DNAAF11: variants seen among roughly 807,000 people sequenced by gnomAD.
The protein encoded by DNAAF11 is dynein axonemal assembly factor 11.
DNAAF11 carries 45 observed loss-of-function variants against 60.8 expected under a neutral mutation model. That is an observed-to-expected ratio of 0.74 (90% CI 0.58 to 0.95). The LOEUF is 0.95. Ranked by LOEUF, DNAAF11 falls within the 40% of genes least tolerant of loss-of-function variation. DNAAF11 has a pLI of 0.00. For missense variants in DNAAF11, 546 were observed against 546.2 expected, an observed-to-expected ratio of 1.00 and a Z score of 0.00; for synonymous variants, 191 against 183.5, an observed-to-expected ratio of 1.04 and a Z score of -0.33.
At chr8:132,688,120 A>G in the DNAAF11 span, among the ~76,000 whole-genome samples, 3 of 152,212 alleles carry the variant, frequency 2.0e-5, no homozygotes, top group African/African-American at 7.2e-5. Flanking sequence ...GCATTAATAC[A>G]TAGAGCCCTC....
intron 3 of DNAAF11, 56 bp from the exon 4 acceptor site, chr8:132,638,163 C>A: frequency 7.3e-7 from 1 of 1,367,472 alleles, no homozygotes; most frequent in Non-Finnish European, 1.0e-6. Flanking sequence ...ACACTGGTAA[C>A]AAAACGTGTG....
upstream of DNAAF11, chr8:132,675,680 G>A: frequency 2.0e-6 from 1 of 510,188 alleles, no homozygotes; most frequent in South Asian, 3.8e-5. Flanking sequence ...AAGCAGAGGA[G>A]ACCGCAGTGA....
intron 6 of DNAAF11, 148 bp from the exon 7 acceptor site, chr8:132,622,836 T>C: frequency 1.6e-6 from 1 of 617,162 alleles, no homozygotes; most frequent in South Asian, 2.1e-5. Flanking sequence ...TCCTTGTTCT[T>C]AAGTCCATTC....
Position 132,619,677 on chromosome 8 carries a change from C to T in DNAAF11, c.914+2934G>A, listed in dbSNP as rs186332494. On this transcript the variant is annotated intron_variant, in intron 7 of 11. Transcript: ENST00000620350. ...AAATGGGGGCAGAGAAAAAGAGCTG[C>T]GGCTGGAAGGAAAACCAGGGGAAGG... Among the ~76,000 whole-genome samples, 566 of 152,238 alleles carry T rather than the reference C, an allele frequency of 3.7e-3. 4 individuals carry two copies. Among genetic ancestry groups the T allele is most frequent in the African/African-American group, 0.013 (525 of 41,546 alleles).
intron 5 of DNAAF11, among the ~76,000 whole-genome samples, chr8:132,630,987 A>G (rs1452186976): frequency 6.6e-6 from 1 of 152,222 alleles, no homozygotes; most frequent in African/African-American, 2.4e-5. Flanking sequence ...TAAAAAGTTG[A>G]AAAGATGTCA....
the DNAAF11 span, among the ~76,000 whole-genome samples, chr8:132,700,180 T>G: frequency 6.6e-6 from 1 of 152,212 alleles, no homozygotes; most frequent in East Asian, 1.9e-4. Flanking sequence ...TTTTCTTTTT[T>G]GTAGCAAGCA....
the DNAAF11 span, among the ~76,000 whole-genome samples, chr8:132,690,711 G>A: frequency 3.3e-5 from 5 of 152,080 alleles, no homozygotes; most frequent in African/African-American, 4.8e-5. Flanking sequence ...GCTCCTCTTC[G>A]CCATGACAGT....
chr8:132,676,532 A>G (rs1825767059), upstream of DNAAF11, among the ~76,000 whole-genome samples: 1 of 152,204 alleles, frequency 6.6e-6, no homozygotes, highest in African/African-American at 2.4e-5. Context: ...TGTGTGTATT[A>G]TGTTTGCATT....
At chr8:132,591,994 TTC>T (rs1445574549) in intron 10 of DNAAF11, among the ~76,000 whole-genome samples, 4 of 152,230 alleles carry the variant, frequency 2.6e-5, no homozygotes, top group African/African-American at 9.6e-5. Context: ...TAATACTCAA[TTC>T]TTTAAAATCC....
At position 132,632,647 on chromosome 8, in the gene DNAAF11, G is replaced by GA. The variant is rs1450876482; in HGVS notation, c.653+92dup. The GA allele has an allele frequency of 6.1e-5, 50 of 814,848 alleles. 1 individual carries two copies. The highest frequency in any genetic ancestry group is 2.0e-4 in the South Asian group (13 of 63,734). The allele number at this position is 814,848 out of a possible 1,614,324, so 50.5% of individuals were successfully genotyped here. ...ATATTTCATTCTTCAAATTAATCTG[G>GA]AATATAAGTGTACTGCAAACAACTT... On this transcript the variant is annotated intron_variant, in intron 5 of 11. Transcript: ENST00000620350.
intron 6 of DNAAF11, among the ~76,000 whole-genome samples, chr8:132,623,648 T>C (rs1370850695): frequency 6.6e-6 from 1 of 152,192 alleles, no homozygotes; most frequent in Non-Finnish European, 1.5e-5. Flanking sequence ...TCTGTTTAGA[T>C]GATGGAACTG....
the DNAAF11 span, chr8:132,687,532 C>T: frequency 2.2e-6 from 1 of 451,042 alleles, no homozygotes; most frequent in East Asian, 7.0e-5. Context: ...AGACAGACAG[C>T]TGTAACAGGT....
chr8:132,683,405 C>T, the DNAAF11 span, among the ~76,000 whole-genome samples: 1 of 152,192 alleles, frequency 6.6e-6, no homozygotes, highest in African/African-American at 2.4e-5. Context: ...CCCATTGAGG[C>T]ACGTCCTCAA....
At chr8:132,583,631 A>G (rs1185827427) in intron 11 of DNAAF11, 63 bp downstream of exon 11, 20 of 1,324,042 alleles carry the variant, frequency 1.5e-5, no homozygotes, top group Non-Finnish European at 2.1e-5. Context: ...CTGCATTCCA[A>G]CCAACAAATG....
intron 10 of DNAAF11, among the ~76,000 whole-genome samples, chr8:132,599,549 A>T (rs1363145870): frequency 6.6e-6 from 1 of 152,220 alleles, no homozygotes; most frequent in Non-Finnish European, 1.5e-5. Context: ...AACCGAATCC[A>T]GCAGCACATC....
In DNAAF11 at chr8:132,571,722, T is replaced by G. The variant is rs1306489608; in HGVS notation, c.*584A>C. Among the ~76,000 whole-genome samples, 1 of 152,174 alleles carries G rather than the reference T, an allele frequency of 6.6e-6. No individual in the cohort carries two copies. The highest frequency in any genetic ancestry group is 6.5e-5 in the Admixed American group (1 of 15,272). On this transcript the variant is annotated 3_prime_UTR_variant, in exon 12 of 12. Coordinates refer to ENST00000620350, the MANE Select transcript of DNAAF11 (RefSeq NM_012472.6). ...AGTGTTATTATTCCCAGATTATACA[T>G]GAAGCCACTAAGGCTCAGAGAATTA...
chr8:132,606,120 G>C (rs1818107456), intron 10 of DNAAF11, among the ~76,000 whole-genome samples: 1 of 152,096 alleles, frequency 6.6e-6, no homozygotes, highest in South Asian at 2.1e-4. Flanking sequence ...GTAGAACAAT[G>C]AATTACTTGC....
the DNAAF11 span, chr8:132,687,544 C>T: frequency 2.2e-6 from 1 of 453,332 alleles, no homozygotes; most frequent in African/African-American, 2.0e-5. Context: ...GTAACAGGTT[C>T]CGTCATCAGA....
At chr8:132,639,114 A>G (rs926085229) in intron 3 of DNAAF11, among the ~76,000 whole-genome samples, 1 of 152,236 alleles carries the variant, frequency 6.6e-6, no homozygotes, top group Non-Finnish European at 1.5e-5. Context: ...GAATAGCTCA[A>G]TGAGCACTCT....
Sources: allele counts gnomAD v4.1 joint callset (sites outside exome capture counted in the v4.1 genomes callset), GRCh38; gene constraint gnomAD v4.1.1; transcripts MANE v1.5; gene names NCBI Gene and HGNC (gene_info 2026-07-23, HGNC 2026-07-21).